The following ZNF343 variants were observed in gnomAD, a reference collection of about 807,000 sequenced individuals.
The protein encoded by ZNF343 is zinc finger protein 343.
ZNF343 carries 11 observed loss-of-function variants against 13.8 expected under a neutral mutation model. That is an observed-to-expected ratio of 0.80 (90% confidence interval 0.50 to 1.32). ZNF343 has a LOEUF of 1.32. Ranked by LOEUF, ZNF343 falls within the 40% of genes most tolerant of loss-of-function variation. The probability of loss-of-function intolerance (pLI) is 0.00; values close to 1 mark genes in which losing one functional copy is unlikely to be tolerated. For missense variants in ZNF343, 658 were observed against 714.2 expected, an observed-to-expected ratio of 0.92 and a Z score of 0.90; for synonymous variants, 248 against 260.0, an observed-to-expected ratio of 0.95 and a Z score of 0.44.
rs67601660 is a variant in ZNF343, at chr20:2,490,537, GT to G, written c.304+2161del. On this transcript the variant is annotated intron_variant, in intron 5 of 5. Coordinates refer to ENST00000278772, the MANE Select transcript of ZNF343 (RefSeq NM_024325.6). ...TGCTGTTTTATGGGTCTTTTTTTTG[GT>G]TTTTGTTTTTTTTTTTGAGATGGAG... 1.1e-4 allele frequency among the ~76,000 whole-genome samples: 14 copies of G among 124,702 alleles called. No individual in the cohort carries two copies. The South Asian group carries it at 1.6e-3, about 14-fold the overall frequency. 81.8% of individuals were successfully genotyped at this position (124,702 alleles called of 152,430 possible).
intron 5 of ZNF343, among the ~76,000 whole-genome samples, chr20:2,490,764 G>A (rs2085355130): frequency 6.6e-6 from 1 of 152,104 alleles, no homozygotes; most frequent in Non-Finnish European, 1.5e-5. Flanking sequence ...CAGTGGAAGA[G>A]AAAACAGTAT....
chr20:2,502,353 G>A (rs1047027680), intron 1 of ZNF343, among the ~76,000 whole-genome samples: 1 of 152,248 alleles, frequency 6.6e-6, no homozygotes, highest in Non-Finnish European at 1.5e-5. Context: ...ATCTGAAAGT[G>A]ATGGGGAGAA....
chr20:2,490,094 T>C (rs1265337191), intron 5 of ZNF343, among the ~76,000 whole-genome samples: 1 of 151,060 alleles, frequency 6.6e-6, no homozygotes, highest in Non-Finnish European at 1.5e-5. Context: ...GAGAGACTGG[T>C]TTAGGAGGAA....
At chr20:2,486,876 A>G (rs895049593) in intron 5 of ZNF343, 4 of 152,226 alleles carry the variant, frequency 2.6e-5, no homozygotes, top group Non-Finnish European at 4.4e-5. Context: ...TTCTTTGTCA[A>G]TAGAGAAGGA....
At chr20:2,523,888 T>C (rs960698204) in intron 1 of ZNF343, among the ~76,000 whole-genome samples, 12 of 149,544 alleles carry the variant, frequency 8.0e-5, no homozygotes, top group Admixed American at 4.0e-4. Context: ...AATCCTCTCT[T>C]GGAGTCTGGA....
intron 1 of ZNF343, among the ~76,000 whole-genome samples, chr20:2,523,677 CTTTTTTTT>C (rs3051730): frequency 9.7e-6 from 1 of 102,790 alleles, no homozygotes; most frequent in African/African-American, 3.9e-5. Context: ...GCTATGTGTA[CTTTTTTTT>C]TTTTTTTTTT....
intron 2 of ZNF343, among the ~76,000 whole-genome samples, chr20:2,496,197 G>A (rs993591946): frequency 7.2e-5 from 11 of 152,126 alleles, no homozygotes; most frequent in Non-Finnish European, 1.3e-4. Flanking sequence ...ATTTTAAATC[G>A]AGTATTTAAG....
intron 1 of ZNF343, among the ~76,000 whole-genome samples, chr20:2,507,817 T>G (rs2085688444): frequency 6.6e-6 from 1 of 152,190 alleles, no homozygotes; most frequent in Non-Finnish European, 1.5e-5. Flanking sequence ...GTTTAAAATT[T>G]GTCCCTACGA....
At chr20:2,506,536 G>A (rs1316473723) in intron 1 of ZNF343, among the ~76,000 whole-genome samples, 1 of 152,098 alleles carries the variant, frequency 6.6e-6, no homozygotes, top group Non-Finnish European at 1.5e-5. Context: ...CAAAGACTTG[G>A]AACCAACCCA....
chr20:2,495,587 A>T (rs1209040082), intron 2 of ZNF343: 1 of 152,230 alleles, frequency 6.6e-6, no homozygotes, highest in Non-Finnish European at 1.5e-5. Context: ...AACGTAGCTG[A>T]AGCTGACAAA....
chr20:2,509,828 T>G (rs1392298741), upstream of ZNF343, among the ~76,000 whole-genome samples: 5 of 152,242 alleles, frequency 3.3e-5, no homozygotes, highest in Non-Finnish European at 7.3e-5. Context: ...AAATTTTACT[T>G]GTTACTGAAG....
At chr20:2,513,505 G>A (rs1024045211), upstream of ZNF343, among the ~76,000 whole-genome samples, 13 of 152,202 alleles carry the variant, frequency 8.5e-5, 1 homozygote, top group African/African-American at 3.1e-4. Flanking sequence ...GGAGAAATTA[G>A]AACCCTTATA....
chr20:2,493,049 C>T (rs2085392803), intron 4 of ZNF343: 1 of 559,638 alleles, frequency 1.8e-6, no homozygotes, highest in Non-Finnish European at 3.1e-6. Flanking sequence ...AGGCCCTTGA[C>T]ATATATGATT....
At chr20:2,490,447 G>A (rs541422238) in intron 5 of ZNF343, among the ~76,000 whole-genome samples, 23 of 152,212 alleles carry the variant, frequency 1.5e-4, no homozygotes, top group African/African-American at 4.8e-4. Context: ...TTGGGATCCA[G>A]GTTTTCAATA....
chr20:2,488,007 T>C (rs1050070630), intron 5 of ZNF343, among the ~76,000 whole-genome samples: 2 of 152,246 alleles, frequency 1.3e-5, no homozygotes, highest in Non-Finnish European at 2.9e-5. Flanking sequence ...TATCTGGTTT[T>C]AGGGTTCTTC....
Position 2,482,224 on chromosome 20 carries a change from C to A in ZNF343, c.*937G>T, listed in dbSNP as rs565241214. ...TCCTTGTCCATTCTCCCCACACATG[C>A]AGAATTTCTATTCAATATACTCTGG... On this transcript the variant is annotated 3_prime_UTR_variant, in exon 6 of 6. Coordinates refer to ENST00000278772, the MANE Select transcript of ZNF343 (RefSeq NM_024325.6). 2.0e-5 allele frequency: 3 copies of A among 152,332 alleles called. No individual in the cohort carries two copies. In the South Asian group the frequency reaches 6.2e-4, roughly 32 times the overall value. 9.4% of individuals were successfully genotyped at this position (152,332 alleles called of 1,614,324 possible). A position where few individuals can be genotyped will look rare whatever the true frequency, so the allele number is the denominator to read the frequency against.
Position 2,482,875 on chromosome 20 carries a change from G to T in ZNF343, c.*286C>A. The T allele has an allele frequency of 2.5e-6, 1 of 405,014 alleles. No homozygotes were observed. Among genetic ancestry groups the T allele is most frequent in the Non-Finnish European group, 4.4e-6 (1 of 226,124 alleles). The allele number at this position is 405,014 out of a possible 1,614,324, so 25.1% of individuals were successfully genotyped here. A position where few individuals can be genotyped will look rare whatever the true frequency, so the allele number is the denominator to read the frequency against. On this transcript the variant is annotated 3_prime_UTR_variant, in exon 6 of 6. Coordinates refer to ENST00000278772, the MANE Select transcript of ZNF343 (RefSeq NM_024325.6). ...GGATGTCTGGTAAATGTTGATTATT[G>T]CTAAAGCCTTCCCACAGTCCCTACA...
At chr20:2,498,790 CA>C (rs2085505327) in intron 2 of ZNF343, among the ~76,000 whole-genome samples, 2 of 152,168 alleles carry the variant, frequency 1.3e-5, no homozygotes. Flanking sequence ...GTAGAAAGCA[CA>C]GAGAGTGAAA....
At chr20:2,484,779 A>G (rs1210382395) in intron 5 of ZNF343, 123 bp from the exon 6 acceptor site, 3 of 856,356 alleles carry the variant, frequency 3.5e-6, no homozygotes, top group Non-Finnish European at 5.2e-6. Context: ...GTATAACACA[A>G]TTTGCTTCTG....
Sources: allele counts gnomAD v4.1 joint callset (sites outside exome capture counted in the v4.1 genomes callset), GRCh38; gene constraint gnomAD v4.1.1; transcripts MANE v1.5; gene names NCBI Gene and HGNC (gene_info 2026-07-23, HGNC 2026-07-21).